BRD10: variants seen among roughly 807,000 people sequenced by gnomAD.
The protein encoded by BRD10 is uncharacterized bromodomain-containing protein 10.
chr9:5,881,858 G>A, the BRD10 span, among the ~76,000 whole-genome samples: 6 of 152,172 alleles, frequency 3.9e-5, no homozygotes, highest in Admixed American at 2.6e-4. Context: ...TCTGAGTGAC[G>A]GTTTAGTTCA....
chr9:5,983,588 T>C, the BRD10 span, among the ~76,000 whole-genome samples: 74 of 152,218 alleles, frequency 4.9e-4, no homozygotes, highest in African/African-American at 1.5e-3. Context: ...ATGTAACTTT[T>C]AGAGATAAAA....
the BRD10 span, among the ~76,000 whole-genome samples, chr9:5,911,588 G>A: frequency 1.3e-5 from 2 of 149,332 alleles, no homozygotes; most frequent in Non-Finnish European, 3.0e-5. Context: ...CAGGCGGAGT[G>A]CAGTGGCACA....
chr9:5,989,717 C>A, the BRD10 span, among the ~76,000 whole-genome samples: 1 of 151,972 alleles, frequency 6.6e-6, no homozygotes, highest in African/African-American at 2.4e-5. Flanking sequence ...TTTGTAGAGA[C>A]AGGGTTTCAC....
chr9:5,906,898 A>G, the BRD10 span: 1 of 1,580,500 alleles, frequency 6.3e-7, no homozygotes, highest in Non-Finnish European at 8.6e-7. Context: ...AAAAGTCTTC[A>G]TGTTGGCACT....
chr9:5,932,181 G>C, the BRD10 span, among the ~76,000 whole-genome samples: 1 of 152,006 alleles, frequency 6.6e-6, no homozygotes, highest in Non-Finnish European at 1.5e-5. Flanking sequence ...AATATTTATT[G>C]AACTTTAAAT....
chr9:5,893,656 T>C, the BRD10 span, among the ~76,000 whole-genome samples: 1 of 152,142 alleles, frequency 6.6e-6, no homozygotes, highest in African/African-American at 2.4e-5. Context: ...CGTTTCAGCT[T>C]GTGTATAATC....
the BRD10 span, among the ~76,000 whole-genome samples, chr9:5,926,607 C>T: frequency 2.8e-3 from 419 of 152,288 alleles, 9 homozygotes; most frequent in East Asian, 0.068. Context: ...TCACAGCTCA[C>T]TGCAAGCTCC....
chr9:5,952,693 A>G, the BRD10 span, among the ~76,000 whole-genome samples: 1 of 152,180 alleles, frequency 6.6e-6, no homozygotes, highest in Admixed American at 6.5e-5. Context: ...AATATTAACA[A>G]TGGGCCAGAT....
chr9:5,917,463 G>A, the BRD10 span, among the ~76,000 whole-genome samples: 1 of 152,332 alleles, frequency 6.6e-6, no homozygotes, highest in South Asian at 2.1e-4. Flanking sequence ...AACTTTAAGT[G>A]GGGACTTCAG....
At chr9:5,928,967 T>C in the BRD10 span, 1 of 726,590 alleles carries the variant, frequency 1.4e-6, no homozygotes, top group South Asian at 1.9e-5. Context: ...AACTACTAAA[T>C]GATTCCAGGA....
At chr9:6,003,481 A>C in the BRD10 span, among the ~76,000 whole-genome samples, 1 of 152,168 alleles carries the variant, frequency 6.6e-6, no homozygotes, top group African/African-American at 2.4e-5. Flanking sequence ...AGTTGCCTCA[A>C]ATGGATGAAT....
the BRD10 span, among the ~76,000 whole-genome samples, chr9:5,999,199 C>T: frequency 6.6e-6 from 1 of 151,716 alleles, no homozygotes; most frequent in African/African-American, 2.4e-5. Context: ...ATATTTTTTT[C>T]CCTGAGAACA....
At chr9:5,890,819 C>G in the BRD10 span, 2 of 152,130 alleles carry the variant, frequency 1.3e-5, no homozygotes, top group Non-Finnish European at 2.9e-5. Context: ...AAATCTAAAC[C>G]CGTGACTATC....
the BRD10 span, chr9:5,897,697 C>A: frequency 6.6e-7 from 1 of 1,512,596 alleles, no homozygotes; most frequent in Non-Finnish European, 9.2e-7. Flanking sequence ...AGTCCAGGGC[C>A]CTCTTTCCAG....
chr9:5,943,191 C>G, the BRD10 span, among the ~76,000 whole-genome samples: 1 of 152,020 alleles, frequency 6.6e-6, no homozygotes, highest in African/African-American at 2.4e-5. Context: ...TTTATGTTTT[C>G]TTTTATTCTT....
the BRD10 span, among the ~76,000 whole-genome samples, chr9:5,933,076 T>TA: frequency 6.6e-6 from 1 of 152,132 alleles, no homozygotes; most frequent in Non-Finnish European, 1.5e-5. Flanking sequence ...CAAACAAAGA[T>TA]AAAAATGGCA....
At chr9:5,990,936 T>C in the BRD10 span, among the ~76,000 whole-genome samples, 1 of 152,206 alleles carries the variant, frequency 6.6e-6, no homozygotes, top group Non-Finnish European at 1.5e-5. Flanking sequence ...GAATATTGCC[T>C]GTTATTTTTT....
At chr9:5,976,519 G>T in the BRD10 span, among the ~76,000 whole-genome samples, 1 of 152,062 alleles carries the variant, frequency 6.6e-6, no homozygotes, top group Non-Finnish European at 1.5e-5. Flanking sequence ...GGTTAATCTT[G>T]TCATAATTAA....
At chr9:5,966,915 T>C in the BRD10 span, among the ~76,000 whole-genome samples, 3 of 152,228 alleles carry the variant, frequency 2.0e-5, no homozygotes, top group Admixed American at 6.5e-5. Flanking sequence ...CATTTTGAAA[T>C]TTTCAGTCCA....
Sources: allele counts gnomAD v4.1 joint callset (sites outside exome capture counted in the v4.1 genomes callset), GRCh38; gene constraint gnomAD v4.1.1; transcripts MANE v1.5; gene names NCBI Gene and HGNC (gene_info 2026-07-23, HGNC 2026-07-21).